The following NRXN1 variants were observed in gnomAD, a reference collection of about 807,000 sequenced individuals.
NRXN1 encodes the protein neurexin 1.
Under a neutral mutation model 150.9 loss-of-function variants are expected in NRXN1, and 39 were observed. That is an observed-to-expected ratio of 0.26 (90% CI 0.20 to 0.34). The LOEUF is 0.34. Among genes scored for constraint, NRXN1 ranks in the 10% least tolerant of loss-of-function variants. The probability of loss-of-function intolerance (pLI) is 1.00; values close to 1 mark genes in which losing one functional copy is unlikely to be tolerated. For missense variants in NRXN1, 1,815 were observed against 1,949.9 expected, an observed-to-expected ratio of 0.93 and a Z score of 1.30; for synonymous variants, 924 against 757.0, an observed-to-expected ratio of 1.22 and a Z score of -3.62.
intron 5 of NRXN1, among the ~76,000 whole-genome samples, chr2:50,729,930 C>T (rs1355014443): frequency 1.3e-5 from 2 of 152,156 alleles, no homozygotes; most frequent in East Asian, 3.9e-4. Flanking sequence ...TGCCTAAGTT[C>T]ATTATCCACA....
chr2:50,021,973 C>G (rs551177658), intron 21 of NRXN1, among the ~76,000 whole-genome samples: 2 of 152,322 alleles, frequency 1.3e-5, no homozygotes, highest in Non-Finnish European at 2.9e-5. Context: ...GTCTCAGACT[C>G]CCGAGTAGCT....
At chr2:50,125,707 G>C (rs1278250019) in intron 18 of NRXN1, among the ~76,000 whole-genome samples, 1 of 152,056 alleles carries the variant, frequency 6.6e-6, no homozygotes. Context: ...TGAATACCAA[G>C]TTGTAGATGG....
At chr2:50,304,068 G>C (rs2074398148) in intron 17 of NRXN1, among the ~76,000 whole-genome samples, 1 of 152,036 alleles carries the variant, frequency 6.6e-6, no homozygotes, top group Non-Finnish European at 1.5e-5. Flanking sequence ...TGACATATAA[G>C]ATTACAGCCA....
chr2:50,241,878 TGA>T (rs2066032522), intron 17 of NRXN1, among the ~76,000 whole-genome samples: 2 of 151,772 alleles, frequency 1.3e-5, no homozygotes, highest in African/African-American at 4.8e-5. Flanking sequence ...TTACATAGAT[TGA>T]AACTTTCTGA....
At chr2:49,939,271 G>T (rs1671559894) in intron 22 of NRXN1, among the ~76,000 whole-genome samples, 1 of 151,982 alleles carries the variant, frequency 6.6e-6, no homozygotes, top group African/African-American at 2.4e-5. Context: ...CGTTTTTTGA[G>T]AAAAATTATG....
intron 17 of NRXN1, among the ~76,000 whole-genome samples, chr2:50,289,405 G>C (rs1306358124): frequency 6.6e-6 from 1 of 152,024 alleles, no homozygotes; most frequent in Non-Finnish European, 1.5e-5. Context: ...GCAAATTTTA[G>C]TAGTAATGCT....
At chr2:50,281,241 C>T (rs574542611) in intron 17 of NRXN1, among the ~76,000 whole-genome samples, 1 of 151,810 alleles carries the variant, frequency 6.6e-6, no homozygotes, top group African/African-American at 2.4e-5. Context: ...GGCATGAACC[C>T]GGGAGGCGGA....
intron 5 of NRXN1, among the ~76,000 whole-genome samples, chr2:50,856,149 A>T (rs747318718): frequency 3.3e-5 from 5 of 151,990 alleles, no homozygotes; most frequent in African/African-American, 4.8e-5. Flanking sequence ...ATGGGAGATA[A>T]TAAACTTCAA....
At chr2:50,569,338 G>A (rs1271472686) in intron 8 of NRXN1, among the ~76,000 whole-genome samples, 4 of 152,010 alleles carry the variant, frequency 2.6e-5, no homozygotes, top group African/African-American at 9.7e-5. Context: ...TTGAGGTGAT[G>A]TATACCCCAG....
intron 18 of NRXN1, among the ~76,000 whole-genome samples, chr2:50,118,086 G>A (rs1227620822): frequency 6.6e-6 from 1 of 152,140 alleles, no homozygotes; most frequent in Non-Finnish European, 1.5e-5. Context: ...AGGTAAAGGT[G>A]TTTAGGAGAA....
At chr2:50,213,165 T>G (rs1342271139) in intron 18 of NRXN1, among the ~76,000 whole-genome samples, 1 of 151,804 alleles carries the variant, frequency 6.6e-6, no homozygotes, top group African/African-American at 2.4e-5. Context: ...AGTGGTCAAG[T>G]GAACGAGGTG....
At chr2:49,947,496 T>C (rs1021700947) in intron 21 of NRXN1, among the ~76,000 whole-genome samples, 1 of 149,202 alleles carries the variant, frequency 6.7e-6, no homozygotes, top group Non-Finnish European at 1.5e-5. Context: ...CTTCTCCTTT[T>C]TTCTTTCTTT....
At chr2:50,747,069 C>A (rs1265871856) in intron 5 of NRXN1, among the ~76,000 whole-genome samples, 1 of 152,008 alleles carries the variant, frequency 6.6e-6, no homozygotes, top group Non-Finnish European at 1.5e-5. Context: ...TTCTTGTACT[C>A]TCTGTGTTTT....
At chr2:49,995,095 A>T (rs1384904682) in intron 21 of NRXN1, among the ~76,000 whole-genome samples, 1 of 152,234 alleles carries the variant, frequency 6.6e-6, no homozygotes. Flanking sequence ...TTTCGATTTC[A>T]TATAGCTAAG....
At chr2:51,012,593 C>G (rs1668057448) in intron 2 of NRXN1, among the ~76,000 whole-genome samples, 1 of 151,990 alleles carries the variant, frequency 6.6e-6, no homozygotes, top group Non-Finnish European at 1.5e-5. Flanking sequence ...GTTTCAAGCC[C>G]TTTATTTGTG....
chr2:50,620,271 T>G, intron 7 of NRXN1, 88 bp from the exon 8 acceptor site: 1 of 1,403,416 alleles, frequency 7.1e-7, no homozygotes. Context: ...GTTTTGCTTT[T>G]GTTTTTTTGT....
chr2:50,443,922 A>G (rs888987409), intron 17 of NRXN1, among the ~76,000 whole-genome samples: 2 of 152,188 alleles, frequency 1.3e-5, no homozygotes, highest in African/African-American at 2.4e-5. Context: ...TAAATATTTG[A>G]CTGTTTAATT....
At chr2:50,836,049 C>A (rs1028003197) in intron 5 of NRXN1, among the ~76,000 whole-genome samples, 1 of 152,104 alleles carries the variant, frequency 6.6e-6, no homozygotes, top group South Asian at 2.1e-4. Flanking sequence ...AAATTGAAAA[C>A]ATTTTACTAG....
chr2:50,393,174 A>AT (rs58012104), intron 17 of NRXN1, among the ~76,000 whole-genome samples: 2,399 of 147,688 alleles, frequency 0.016, 80 homozygotes, highest in African/African-American at 0.06. Flanking sequence ...CCAAAAAAAA[A>AT]AATAATAATA....
Sources: allele counts gnomAD v4.1 joint callset (sites outside exome capture counted in the v4.1 genomes callset), GRCh38; gene constraint gnomAD v4.1.1; transcripts MANE v1.5; gene names NCBI Gene and HGNC (gene_info 2026-07-23, HGNC 2026-07-21).